PDE11A: variants seen among roughly 807,000 people sequenced by gnomAD.
PDE11A encodes dual 3',5'-cyclic-AMP and -GMP phosphodiesterase 11A.
A neutral mutation model predicts 100.5 loss-of-function variants in PDE11A; 100 were observed. The observed-to-expected ratio is 1.00, with a 90% CI of 0.85 to 1.18. The LOEUF (loss-of-function observed/expected upper bound fraction) is 1.18, where lower values mean the gene tolerates loss of function less well. Ranked by LOEUF, PDE11A falls within the 50% of genes most tolerant of loss-of-function variation. The probability of loss-of-function intolerance (pLI) is 0.00; values close to 1 mark genes in which losing one functional copy is unlikely to be tolerated. For synonymous variants in PDE11A, 381 were observed against 420.8 expected, an observed-to-expected ratio of 0.91 and a Z score of 1.16; for missense variants, 1,141 against 1,152.6, an observed-to-expected ratio of 0.99 and a Z score of 0.15.
Position 177,795,400 on chromosome 2 carries a change from C to T in PDE11A, c.1737+21429G>A, listed in dbSNP as rs531334244. On this transcript the variant is annotated intron_variant, in intron 9 of 19. Transcript: ENST00000286063. ...ACCTGAGCCAATGTTCTGATTGGCT[C>T]CTGTTTGCTTCCATTCCAAGAGCAG... Among the ~76,000 whole-genome samples, 161 of 152,286 alleles carry T rather than the reference C, an allele frequency of 1.1e-3. 1 individual carries two copies. Among genetic ancestry groups the T allele is most frequent in the African/African-American group, 3.6e-3 (151 of 41,546 alleles).
At chr2:177,699,420 G>A (rs972571391) in intron 14 of PDE11A, among the ~76,000 whole-genome samples, 1 of 152,198 alleles carries the variant, frequency 6.6e-6, no homozygotes, top group African/African-American at 2.4e-5. Context: ...TACTTTGAAG[G>A]ATATATAATC....
intron 1 of PDE11A, among the ~76,000 whole-genome samples, chr2:178,056,005 T>C (rs2086895558): frequency 6.6e-6 from 1 of 152,016 alleles, no homozygotes; most frequent in Non-Finnish European, 1.5e-5. Flanking sequence ...GATATTAAGG[T>C]TCTGTGTAGT....
At chr2:177,856,118 G>A (rs1388451708) in intron 5 of PDE11A, among the ~76,000 whole-genome samples, 1 of 152,000 alleles carries the variant, frequency 6.6e-6, no homozygotes, top group Non-Finnish European at 1.5e-5. Flanking sequence ...AGACTTATTG[G>A]TTCAGGCTTT....
intron 2 of PDE11A, among the ~76,000 whole-genome samples, chr2:177,941,322 G>A (rs1303439458): frequency 6.6e-6 from 1 of 152,046 alleles, no homozygotes; most frequent in Non-Finnish European, 1.5e-5. Context: ...ACTCGCATGA[G>A]GACCCCTTTA....
At position 177,936,574 on chromosome 2, in the gene PDE11A, T is replaced by C. The variant is rs146658534; in HGVS notation, c.1072-31387A>G. 6.6e-5 allele frequency among the ~76,000 whole-genome samples: 10 copies of C among 152,336 alleles called. No individual in the cohort carries two copies. In the East Asian group the frequency reaches 1.9e-3, roughly 29 times the overall value. ...AGGGTCTACCACAGATAGGTGGCTA[T>C]TTGAAAACTGTCTTGGATTGGAAAT... On this transcript the variant is annotated intron_variant, in intron 2 of 19. Transcript: ENST00000286063.
chr2:177,909,305 G>T (rs1402985348), intron 2 of PDE11A, among the ~76,000 whole-genome samples: 1 of 152,058 alleles, frequency 6.6e-6, no homozygotes, highest in African/African-American at 2.4e-5. Context: ...TCAAGTTAAT[G>T]CTCCTATAAC....
At chr2:177,969,365 A>G (rs184977920) in intron 2 of PDE11A, among the ~76,000 whole-genome samples, 5 of 152,236 alleles carry the variant, frequency 3.3e-5, no homozygotes, top group Admixed American at 6.5e-5. Flanking sequence ...GCAAACCACC[A>G]TGGCACATGT....
chr2:177,973,358 C>A (rs543074836), intron 2 of PDE11A, among the ~76,000 whole-genome samples: 1 of 69,054 alleles, frequency 1.4e-5, no homozygotes, highest in Non-Finnish European at 2.9e-5. Flanking sequence ...CACTCCCACC[C>A]GAATATTGCG....
chr2:178,106,019 C>A (rs1559073498), intron 1 of PDE11A, among the ~76,000 whole-genome samples: 1 of 152,150 alleles, frequency 6.6e-6, no homozygotes. Context: ...ATACCAAATT[C>A]TTTGAGAGTA....
intron 1 of PDE11A, among the ~76,000 whole-genome samples, chr2:178,034,952 A>G (rs1349796611): frequency 6.6e-6 from 1 of 152,222 alleles, no homozygotes; most frequent in Non-Finnish European, 1.5e-5. Flanking sequence ...CCCTAACATC[A>G]CAATTAAAAG....
intron 1 of PDE11A, chr2:178,105,529 T>C (rs1171640920): frequency 1.4e-5 from 4 of 282,288 alleles, no homozygotes; most frequent in Non-Finnish European, 2.7e-5. Flanking sequence ...TTTACAAAGA[T>C]ATTTTGGTTG....
chr2:177,985,873 T>A (rs925931960), intron 2 of PDE11A, among the ~76,000 whole-genome samples: 13 of 152,228 alleles, frequency 8.5e-5, no homozygotes, highest in African/African-American at 3.1e-4. Flanking sequence ...AGCTTACACA[T>A]TATGTTGCAG....
At chr2:177,659,961 C>T (rs1221943131) in intron 19 of PDE11A, among the ~76,000 whole-genome samples, 1 of 152,164 alleles carries the variant, frequency 6.6e-6, no homozygotes, top group Non-Finnish European at 1.5e-5. Flanking sequence ...TTGATGGTTC[C>T]CTGCCCACTC....
chr2:177,737,261 AAAT>A (rs796417812), intron 10 of PDE11A, among the ~76,000 whole-genome samples: 1 of 146,046 alleles, frequency 6.8e-6, no homozygotes, highest in Non-Finnish European at 1.5e-5. Flanking sequence ...AAAAATAAAT[AAAT>A]AAATAAAATA....
intron 4 of PDE11A, among the ~76,000 whole-genome samples, chr2:177,882,765 T>G (rs1199415319): frequency 6.6e-6 from 1 of 152,160 alleles, no homozygotes; most frequent in Non-Finnish European, 1.5e-5. Flanking sequence ...TGGACAGAAG[T>G]CTTTTTGATT....
intron 9 of PDE11A, among the ~76,000 whole-genome samples, chr2:177,770,419 T>G (rs992374322): frequency 3.3e-5 from 5 of 152,258 alleles, no homozygotes; most frequent in African/African-American, 7.2e-5. Context: ...CATAACTCAC[T>G]GACACAGAGG....
At chr2:178,027,596 T>C (rs184857847) in intron 1 of PDE11A, among the ~76,000 whole-genome samples, 2 of 152,298 alleles carry the variant, frequency 1.3e-5, no homozygotes, top group East Asian at 3.9e-4. Context: ...GAGTCCAAGC[T>C]AGCAATCCAA....
At chr2:177,949,647 C>G (rs34044811) in intron 2 of PDE11A, among the ~76,000 whole-genome samples, 9,551 of 152,214 alleles carry the variant, frequency 0.063, 312 homozygotes, top group South Asian at 0.094. Flanking sequence ...TAATGTAGTG[C>G]TTGCCATATA....
Position 177,957,505 on chromosome 2 carries a change from A to G in PDE11A, c.1072-52318T>C, listed in dbSNP as rs529654784. ...TTATGTAGTACATTGTGATTTTTAAACCATTTTTGTCTGGAAAACAATTAC... is the reference window on the plus strand; with the variant it reads ...TTATGTAGTACATTGTGATTTTTAAGCCATTTTTGTCTGGAAAACAATTAC... On this transcript the variant is annotated intron_variant, in intron 2 of 19. Coordinates refer to ENST00000286063, the MANE Select transcript of PDE11A (RefSeq NM_016953.4). 2.2e-4 allele frequency among the ~76,000 whole-genome samples: 33 copies of G among 152,302 alleles called. 1 individual carries two copies. The highest frequency in any genetic ancestry group is 6.8e-3 in the Middle Eastern group (2 of 294).
Sources: gnomAD v4.1 joint callset for allele counts (sites outside exome capture counted in the v4.1 genomes callset) on GRCh38, gnomAD v4.1.1 for gene constraint, MANE v1.5 for transcripts, NCBI Gene and HGNC (gene_info 2026-07-23, HGNC 2026-07-21) for gene names.